Variants in GRIK2 observed in about 807,000 individuals in gnomAD.
GRIK2 encodes the protein glutamate receptor ionotropic, kainate 2.
In GRIK2, 32 loss-of-function variants were observed where a neutral mutation model predicts 100.3. That is an observed-to-expected ratio of 0.32 (90% CI 0.24 to 0.43). The LOEUF (loss-of-function observed/expected upper bound fraction) is 0.43. Ranked by LOEUF, GRIK2 falls within the 20% of genes least tolerant of loss-of-function variation. The probability of loss-of-function intolerance (pLI) is 1.00; values close to 1 mark genes in which losing one functional copy is unlikely to be tolerated. For missense variants in GRIK2, 843 were observed against 1,114.9 expected (o/e 0.76, Z 3.47); for synonymous variants, 417 against 389.4 (o/e 1.07, Z -0.83).
intron 16 of GRIK2, among the ~76,000 whole-genome samples, chr6:102,059,132 G>T (rs573155707): frequency 6.6e-6 from 1 of 151,098 alleles, no homozygotes; most frequent in South Asian, 2.1e-4. Context: ...TTTTAAATGA[G>T]GGCAGGTTAA....
At chr6:102,038,982 T>C (rs1360147021) in intron 15 of GRIK2, among the ~76,000 whole-genome samples, 4 of 151,282 alleles carry the variant, frequency 2.6e-5, no homozygotes, top group African/African-American at 9.7e-5. Context: ...AAACGGGAAA[T>C]ATTATGAGTC....
At position 101,788,255 on chromosome 6, in the gene GRIK2, A is replaced by T. The variant is rs183192442; in HGVS notation, c.952-11393A>T. On this transcript the variant is annotated intron_variant, in intron 7 of 16. Coordinates refer to ENST00000369134, the MANE Select transcript of GRIK2 (RefSeq NM_021956.5). ...TTAAGTTTTAGGGTACATGTGCACA[A>T]TGTGCAGGTTAGTTACATATGTATA... Among the ~76,000 whole-genome samples, 424 of 151,522 alleles carry T rather than the reference A, an allele frequency of 2.8e-3. No individual in the cohort carries two copies. The Middle Eastern group carries it at 0.037, about 13-fold the overall frequency.
intron 7 of GRIK2, among the ~76,000 whole-genome samples, chr6:101,741,796 C>A (rs1286786563): frequency 6.6e-6 from 1 of 152,220 alleles, no homozygotes; most frequent in Non-Finnish European, 1.5e-5. Context: ...TTATGCTAAA[C>A]CGTGATCTCT....
chr6:101,785,899 A>ATTG (rs1779392567), intron 7 of GRIK2, among the ~76,000 whole-genome samples: 1 of 151,818 alleles, frequency 6.6e-6, no homozygotes, highest in Non-Finnish European at 1.5e-5. Flanking sequence ...GAATCTGTAG[A>ATTG]TTGTTTTGGG....
At chr6:101,603,022 C>T (rs1319880375) in intron 2 of GRIK2, among the ~76,000 whole-genome samples, 4 of 151,574 alleles carry the variant, frequency 2.6e-5, no homozygotes, top group East Asian at 3.9e-4. Flanking sequence ...TGACTACATT[C>T]GATTGTTGCC....
At chr6:101,550,025 G>C (rs905404122) in intron 2 of GRIK2, among the ~76,000 whole-genome samples, 4 of 152,184 alleles carry the variant, frequency 2.6e-5, no homozygotes, top group African/African-American at 7.2e-5. Context: ...TAGGCTGGAT[G>C]CTTCATTGCA....
At chr6:102,064,378 CTTT>C (rs1362244617) in intron 16 of GRIK2, among the ~76,000 whole-genome samples, 7 of 139,252 alleles carry the variant, frequency 5.0e-5, no homozygotes, top group African/African-American at 1.9e-4. Context: ...TTCTTTCTTT[CTTT>C]CTTTCCTTTC....
At chr6:101,556,311 T>C (rs189663930) in intron 2 of GRIK2, among the ~76,000 whole-genome samples, 1 of 143,884 alleles carries the variant, frequency 7.0e-6, no homozygotes, top group Admixed American at 7.1e-5. Context: ...CACTATGTAA[T>C]ATATTGGTAA....
intron 14 of GRIK2, among the ~76,000 whole-genome samples, chr6:102,011,577 C>CTTTTTTTTTTTT (rs763369559): frequency 3.1e-4 from 24 of 76,644 alleles, no homozygotes; most frequent in South Asian, 9.6e-4. Context: ...CTTTCTTTTC[C>CTTTTTTTTTTTT]TTTTTTTTTT....
At chr6:101,875,428 G>T (rs752940505) in intron 11 of GRIK2, among the ~76,000 whole-genome samples, 18 of 151,494 alleles carry the variant, frequency 1.2e-4, no homozygotes, top group Admixed American at 6.6e-5. Flanking sequence ...CTTTCATTTT[G>T]CTTGGTAGAC....
At chr6:101,521,023 C>G (rs1401505921) in intron 2 of GRIK2, among the ~76,000 whole-genome samples, 3 of 151,920 alleles carry the variant, frequency 2.0e-5, no homozygotes, top group African/African-American at 7.2e-5. Flanking sequence ...GCAAAAGAAG[C>G]AAATGTGTAA....
chr6:101,428,857 C>T (rs1041615780), intron 2 of GRIK2, among the ~76,000 whole-genome samples: 7 of 152,128 alleles, frequency 4.6e-5, no homozygotes, highest in South Asian at 2.1e-4. Flanking sequence ...TCCCTGTCTT[C>T]CTGCTCTTCC....
At chr6:101,544,211 C>CA in intron 2 of GRIK2, among the ~76,000 whole-genome samples, 1 of 151,940 alleles carries the variant, frequency 6.6e-6, no homozygotes, top group African/African-American at 2.4e-5. Flanking sequence ...TTTTTAATAA[C>CA]AATTTGGAGA....
chr6:101,602,557 T>G (rs1283506543), intron 2 of GRIK2, among the ~76,000 whole-genome samples: 12 of 145,414 alleles, frequency 8.3e-5, no homozygotes, highest in Non-Finnish European at 1.3e-4. Flanking sequence ...GAATGATTAG[T>G]TTTTTTTTAA....
Position 101,821,819 on chromosome 6 carries a change from GT to G in GRIK2, c.1317+3338del, listed in dbSNP as rs1290703392. On this transcript the variant is annotated intron_variant, in intron 10 of 16. Coordinates refer to ENST00000369134, the MANE Select transcript of GRIK2 (RefSeq NM_021956.5). Reference sequence around the variant, plus strand: ...GAGAAATTATGATTTTTTGATTGATGTTATGATTATTTTGCCCTTTTCTCTT... The same window carrying G: ...GAGAAATTATGATTTTTTGATTGATGTATGATTATTTTGCCCTTTTCTCTT... 3.9e-5 allele frequency among the ~76,000 whole-genome samples: 6 copies of G among 152,110 alleles called. No homozygotes were observed. In the East Asian group the frequency reaches 1.2e-3, roughly 29 times the overall value.
At chr6:101,653,156 G>C (rs1781886638) in intron 4 of GRIK2, among the ~76,000 whole-genome samples, 1 of 152,110 alleles carries the variant, frequency 6.6e-6, no homozygotes, top group East Asian at 1.9e-4. Flanking sequence ...AAGTCATGGG[G>C]GTTACAGAGT....
intron 2 of GRIK2, among the ~76,000 whole-genome samples, chr6:101,606,946 C>T (rs1237904716): frequency 1.1e-4 from 17 of 151,918 alleles, no homozygotes; most frequent in Admixed American, 1.1e-3. Context: ...TTCTGTGTCA[C>T]AAACAGGTAT....
intron 2 of GRIK2, among the ~76,000 whole-genome samples, chr6:101,613,739 G>A (rs906322969): frequency 1.3e-5 from 2 of 149,986 alleles, no homozygotes; most frequent in Middle Eastern, 3.4e-3. Flanking sequence ...ACATTGAACT[G>A]TGGACACACT....
intron 11 of GRIK2, among the ~76,000 whole-genome samples, chr6:101,880,007 AT>A (rs760349412): frequency 8.6e-5 from 13 of 152,030 alleles, no homozygotes; most frequent in Non-Finnish European, 1.6e-4. Flanking sequence ...CATATGGCTT[AT>A]TTTAAATAAC....
Sources: gnomAD v4.1 joint callset for allele counts (sites outside exome capture counted in the v4.1 genomes callset) on GRCh38, gnomAD v4.1.1 for gene constraint, MANE v1.5 for transcripts, NCBI Gene and HGNC (gene_info 2026-07-23, HGNC 2026-07-21) for gene names.